The following MGAT4C variants were observed in gnomAD, a reference collection of about 807,000 sequenced individuals.
MGAT4C encodes the protein alpha-1,3-mannosyl-glycoprotein 4-beta-N-acetylglucosaminyltransferase C.
In MGAT4C, 19 loss-of-function variants were observed where a neutral mutation model predicts 40.1. That is an observed-to-expected ratio of 0.47 (90% confidence interval 0.33 to 0.70). The LOEUF (loss-of-function observed/expected upper bound fraction) is 0.70, where lower values mean the gene tolerates loss of function less well. Ranked by LOEUF, MGAT4C falls within the 30% of genes least tolerant of loss-of-function variation. The pLI, the probability that MGAT4C is intolerant of heterozygous loss-of-function variation, is 0.02. For synonymous variants in MGAT4C, 181 were observed against 187.1 expected, an observed-to-expected ratio of 0.97 and a Z score of 0.27; for missense variants, 491 against 563.2, an observed-to-expected ratio of 0.87 and a Z score of 1.30.
chr12:86,685,534 G>T (rs1440333840), intron 2 of MGAT4C, among the ~76,000 whole-genome samples: 1 of 152,142 alleles, frequency 6.6e-6, no homozygotes, highest in Non-Finnish European at 1.5e-5. Context: ...GGTTCCATAT[G>T]AAATTTAAGG....
At chr12:86,244,371 T>C (rs1448192261) in intron 1 of MGAT4C, among the ~76,000 whole-genome samples, 1 of 152,180 alleles carries the variant, frequency 6.6e-6, no homozygotes, top group South Asian at 2.1e-4. Flanking sequence ...GTGGGTTTCA[T>C]TGCCTCCTTC....
At chr12:86,660,136 A>ACATACC (rs1460060220) in intron 2 of MGAT4C, among the ~76,000 whole-genome samples, 1 of 152,136 alleles carries the variant, frequency 6.6e-6, no homozygotes, top group African/African-American at 2.4e-5. Context: ...TTGATAACTG[A>ACATACC]CATACCGGAC....
At chr12:86,494,924 T>C (rs1958211209) in intron 2 of MGAT4C, among the ~76,000 whole-genome samples, 3 of 152,148 alleles carry the variant, frequency 2.0e-5, no homozygotes, top group East Asian at 3.9e-4. Context: ...CAGATGATAA[T>C]CGACAATGAG....
chr12:85,958,475 TATC>T lies in MGAT4C; in HGVS notation c.*20811_*20813del, dbSNP rs1158554906. ...TTCTTATTTTCTCAGACATATAAATTATCATAATACTTTACATTGAGTCTCTAT... is the reference window on the plus strand; with the variant it reads ...TTCTTATTTTCTCAGACATATAAATTATAATACTTTACATTGAGTCTCTAT... On this transcript the variant is annotated 3_prime_UTR_variant, in exon 5 of 5. Coordinates refer to ENST00000611864, the MANE Select transcript of MGAT4C (RefSeq NM_001351288.2). 1 of 152,182 alleles carries T rather than the reference TATC, an allele frequency of 6.6e-6. No homozygotes were observed. Among genetic ancestry groups the T allele is most frequent in the Non-Finnish European group, 1.5e-5 (1 of 68,030 alleles). 9.4% of individuals were successfully genotyped at this position (152,182 alleles called of 1,614,324 possible).
chr12:86,421,389 T>C (rs1956822947), intron 3 of MGAT4C, among the ~76,000 whole-genome samples: 1 of 152,208 alleles, frequency 6.6e-6, no homozygotes, highest in Non-Finnish European at 1.5e-5. Flanking sequence ...GCTCATACCT[T>C]TGGTTGTCAA....
chr12:86,485,386 G>A (rs1958002703), intron 2 of MGAT4C, among the ~76,000 whole-genome samples: 1 of 152,136 alleles, frequency 6.6e-6, no homozygotes, highest in African/African-American at 2.4e-5. Flanking sequence ...TTCTAAGAAA[G>A]AAGCAAACCA....
intron 2 of MGAT4C, among the ~76,000 whole-genome samples, chr12:86,678,191 A>T (rs1949902602): frequency 6.6e-6 from 1 of 152,084 alleles, no homozygotes; most frequent in Non-Finnish European, 1.5e-5. Flanking sequence ...GAGCAAAGCA[A>T]AACAATAAAC....
At chr12:86,645,994 TA>T (rs1963532279) in intron 2 of MGAT4C, among the ~76,000 whole-genome samples, 1 of 151,840 alleles carries the variant, frequency 6.6e-6, no homozygotes, top group South Asian at 2.1e-4. Flanking sequence ...GCAAAATGAA[TA>T]AAAATATTTT....
intron 2 of MGAT4C, among the ~76,000 whole-genome samples, chr12:86,446,572 T>A (rs1028993986): frequency 1.2e-4 from 18 of 149,122 alleles, no homozygotes; most frequent in Non-Finnish European, 5.9e-5. Flanking sequence ...TTTCTTAATA[T>A]GAATACCATG....
At chr12:85,987,565 A>G (rs529775524) in intron 3 of MGAT4C, among the ~76,000 whole-genome samples, 4 of 152,342 alleles carry the variant, frequency 2.6e-5, no homozygotes, top group African/African-American at 7.2e-5. Context: ...TAGAAGAGCT[A>G]CTTCATTAAA....
chr12:86,380,373 A>G (rs1592765660), intron 3 of MGAT4C, among the ~76,000 whole-genome samples: 1 of 152,162 alleles, frequency 6.6e-6, no homozygotes, highest in Admixed American at 6.5e-5. Flanking sequence ...CCTTAACAGA[A>G]AAAACTGAAT....
chr12:86,081,096 C>T (rs1870756725), intron 1 of MGAT4C, among the ~76,000 whole-genome samples: 1 of 152,036 alleles, frequency 6.6e-6, no homozygotes, highest in African/African-American at 2.4e-5. Flanking sequence ...AGGAAGTATG[C>T]ATTTTAACAT....
At chr12:86,429,440 G>T (rs1287338337) in intron 3 of MGAT4C, among the ~76,000 whole-genome samples, 1 of 152,180 alleles carries the variant, frequency 6.6e-6, no homozygotes, top group African/African-American at 2.4e-5. Flanking sequence ...CACTGTTGCG[G>T]TTGGATGAAA....
At chr12:86,822,722 G>T (rs1952727302) in intron 1 of MGAT4C, among the ~76,000 whole-genome samples, 1 of 151,040 alleles carries the variant, frequency 6.6e-6, no homozygotes, top group East Asian at 1.9e-4. Context: ...TGCAATAAGA[G>T]TGGAATAATT....
chr12:86,558,590 GACAA>G (rs1207717576), intron 2 of MGAT4C, among the ~76,000 whole-genome samples: 2 of 151,874 alleles, frequency 1.3e-5, no homozygotes, highest in Non-Finnish European at 2.9e-5. Context: ...ATTTTTCCCA[GACAA>G]ACAAAAACAG....
chr12:86,042,851 G>C (rs1592762008), intron 2 of MGAT4C, among the ~76,000 whole-genome samples: 2 of 124,618 alleles, frequency 1.6e-5, no homozygotes, highest in East Asian at 4.7e-4. Context: ...CTGGGCAACA[G>C]AGCAAGACTC....
rs996590725 is a variant in MGAT4C at position 85,974,593 on chromosome 12, T to C, written c.*4696A>G. ...GATTAACCATATGTAGATACACACA[T>C]GCACATATGCAATAATGAAATCATT... On this transcript the variant is annotated 3_prime_UTR_variant, in exon 5 of 5. Coordinates refer to ENST00000611864, the MANE Select transcript of MGAT4C (RefSeq NM_001351288.2). The C allele has an allele frequency of 6.6e-6, 1 of 150,660 alleles. No homozygotes were observed. Among genetic ancestry groups the C allele is most frequent in the East Asian group, 1.9e-4 (1 of 5,172 alleles). The allele number at this position is 150,660 out of a possible 1,614,324, so 9.3% of individuals were successfully genotyped here. A position where few individuals can be genotyped will look rare whatever the true frequency, so the allele number is the denominator to read the frequency against.
chr12:86,344,246 T>A (rs549312655), intron 3 of MGAT4C, among the ~76,000 whole-genome samples: 20 of 152,260 alleles, frequency 1.3e-4, no homozygotes, highest in African/African-American at 4.8e-4. Context: ...AAGAAAAACA[T>A]TCTAAGGATT....
chr12:86,093,961 TTAC>T (rs1243342398), intron 1 of MGAT4C, among the ~76,000 whole-genome samples: 1 of 152,210 alleles, frequency 6.6e-6, no homozygotes, highest in Non-Finnish European at 1.5e-5. Context: ...AATTATTAGT[TTAC>T]TTTTATGTCT....
Sources: gnomAD v4.1 joint callset for allele counts (sites outside exome capture counted in the v4.1 genomes callset) on GRCh38, gnomAD v4.1.1 for gene constraint, MANE v1.5 for transcripts, NCBI Gene and HGNC (gene_info 2026-07-23, HGNC 2026-07-21) for gene names.